Variants in SPIDR observed in about 807,000 individuals in gnomAD.
SPIDR encodes scaffold protein involved in DNA repair.
A neutral mutation model predicts 104.6 loss-of-function variants in SPIDR; 93 were observed. The ratio of observed to expected loss-of-function variants is 0.89; its 90% CI spans 0.75 to 1.06. The LOEUF is 1.06. Among genes scored for constraint, SPIDR ranks in the 50% least tolerant of loss-of-function variants. SPIDR has a pLI of 0.00. For synonymous variants in SPIDR, 431 were observed against 416.9 expected (o/e 1.03, Z -0.41); for missense variants, 1,154 against 1,111.2 (o/e 1.04, Z -0.55).
intron 10 of SPIDR, among the ~76,000 whole-genome samples, chr8:47,661,263 T>C (rs1292979633): frequency 2.6e-5 from 4 of 152,232 alleles, no homozygotes; most frequent in African/African-American, 9.6e-5. Flanking sequence ...TGAGATATTT[T>C]ATCATGGCTG....
At chr8:47,447,388 AT>A (rs1365375171) in intron 8 of SPIDR, among the ~76,000 whole-genome samples, 2 of 151,784 alleles carry the variant, frequency 1.3e-5, no homozygotes, top group Non-Finnish European at 2.9e-5. Flanking sequence ...TAATTTTTGT[AT>A]TTTTAGTAGA....
intron 5 of SPIDR, among the ~76,000 whole-genome samples, chr8:47,344,543 C>T (rs2051469901): frequency 6.6e-6 from 1 of 152,246 alleles, no homozygotes; most frequent in Non-Finnish European, 1.5e-5. Context: ...GGAATCACCA[C>T]ACTGTCTTCC....
chr8:47,619,618 C>CT (rs34943473), intron 10 of SPIDR, among the ~76,000 whole-genome samples: 104 of 144,766 alleles, frequency 7.2e-4, no homozygotes, highest in African/African-American at 1.1e-3. Flanking sequence ...GTATATTACC[C>CT]TTTTTTTTTT....
At position 47,428,986 on chromosome 8, in the gene SPIDR, A is replaced by G. The variant is rs567476269; in HGVS notation, c.878-11337A>G. 7.9e-5 allele frequency among the ~76,000 whole-genome samples: 12 copies of G among 152,286 alleles called. No homozygotes were observed. The East Asian group carries it at 1.5e-3, about 20-fold the overall frequency. The stretch of plus-strand genomic sequence containing the variant: ...TCCTTACCCACGTTTCAGTGCAGCA[A>G]TGATATTTAGTATTGTTCTTTGTAG... On this transcript the variant is annotated intron_variant, in intron 7 of 19. Coordinates refer to ENST00000297423, the MANE Select transcript of SPIDR (RefSeq NM_001080394.4).
chr8:47,337,424 C>G (rs2049967354), intron 5 of SPIDR, among the ~76,000 whole-genome samples: 1 of 152,154 alleles, frequency 6.6e-6, no homozygotes, highest in Admixed American at 6.5e-5. Context: ...AGCCACCACA[C>G]CTGGCCTTTA....
chr8:47,327,856 C>T (rs1440207796), intron 5 of SPIDR, among the ~76,000 whole-genome samples: 1 of 152,044 alleles, frequency 6.6e-6, no homozygotes, highest in African/African-American at 2.4e-5. Context: ...AGCCACTACA[C>T]CTGACCTGAT....
chr8:47,592,246 A>G, intron 8 of SPIDR: 5 of 1,294,106 alleles, frequency 3.9e-6, no homozygotes, highest in Non-Finnish European at 5.6e-6. Flanking sequence ...TTGCTAATGG[A>G]TCGTCTGGAT....
intron 8 of SPIDR, among the ~76,000 whole-genome samples, chr8:47,501,822 A>G (rs2080505956): frequency 6.6e-6 from 1 of 152,162 alleles, no homozygotes; most frequent in Non-Finnish European, 1.5e-5. Context: ...CGTCCCATCA[A>G]TACCTAATTT....
At chr8:47,543,452 G>A (rs1008246347) in intron 8 of SPIDR, among the ~76,000 whole-genome samples, 4 of 152,146 alleles carry the variant, frequency 2.6e-5, no homozygotes. Flanking sequence ...TTGGAAAGGA[G>A]AGCTTTATTT....
At chr8:47,527,057 G>A (rs924388968) in intron 8 of SPIDR, among the ~76,000 whole-genome samples, 1 of 152,164 alleles carries the variant, frequency 6.6e-6, no homozygotes, top group Non-Finnish European at 1.5e-5. Flanking sequence ...GTCTTGGAGA[G>A]AGGGGGCACA....
At chr8:47,358,436 A>AT (rs374463129) in intron 5 of SPIDR, among the ~76,000 whole-genome samples, 45 of 152,092 alleles carry the variant, frequency 3.0e-4, no homozygotes, top group African/African-American at 1.0e-3. Flanking sequence ...AGATTATCTT[A>AT]TTTTTTTCTC....
At chr8:47,700,106 A>G (rs2079938031) in intron 11 of SPIDR, among the ~76,000 whole-genome samples, 1 of 152,214 alleles carries the variant, frequency 6.6e-6, no homozygotes, top group African/African-American at 2.4e-5. Flanking sequence ...GCAGGGTATC[A>G]CAAACATGTT....
intron 5 of SPIDR, among the ~76,000 whole-genome samples, chr8:47,370,945 C>A (rs1255882293): frequency 6.6e-6 from 1 of 152,040 alleles, no homozygotes; most frequent in African/African-American, 2.4e-5. Context: ...TTTGCTGTCT[C>A]TAGTGTCTCC....
intron 8 of SPIDR, among the ~76,000 whole-genome samples, chr8:47,552,529 C>A (rs568821137): frequency 6.6e-6 from 1 of 152,258 alleles, no homozygotes; most frequent in Non-Finnish European, 1.5e-5. Context: ...TATGTAATGG[C>A]CTTCTTTGTC....
intron 8 of SPIDR, among the ~76,000 whole-genome samples, chr8:47,467,102 T>A (rs781977404): frequency 3.3e-5 from 5 of 151,796 alleles, no homozygotes; most frequent in Admixed American, 6.6e-5. Context: ...GCAAACAAAC[T>A]AGAAAATGTA....
At chr8:47,338,273 T>A (rs1023818796) in intron 5 of SPIDR, among the ~76,000 whole-genome samples, 2 of 152,218 alleles carry the variant, frequency 1.3e-5, no homozygotes, top group African/African-American at 2.4e-5. Context: ...TTAAAAGATA[T>A]GTTGTTCTAC....
At chr8:47,316,953 G>A (rs587704639) in intron 5 of SPIDR, among the ~76,000 whole-genome samples, 8 of 152,182 alleles carry the variant, frequency 5.3e-5, no homozygotes, top group South Asian at 2.1e-4. Flanking sequence ...GAAATGCATC[G>A]AAAAGTAAGA....
At chr8:47,399,238 G>T (rs1315307215) in intron 6 of SPIDR, among the ~76,000 whole-genome samples, 2 of 152,174 alleles carry the variant, frequency 1.3e-5, no homozygotes, top group African/African-American at 4.8e-5. Context: ...AGTTGTCTCT[G>T]TCGTGGTGAA....
intron 10 of SPIDR, among the ~76,000 whole-genome samples, chr8:47,605,039 G>A (rs573587424): frequency 5.5e-4 from 84 of 152,362 alleles, no homozygotes; most frequent in South Asian, 1.2e-3. Context: ...TCCTGTCACA[G>A]CCAAGTCTAC....
Sources: gnomAD v4.1 joint callset for allele counts (sites outside exome capture counted in the v4.1 genomes callset) on GRCh38, gnomAD v4.1.1 for gene constraint, MANE v1.5 for transcripts, NCBI Gene and HGNC (gene_info 2026-07-23, HGNC 2026-07-21) for gene names.